GTF2H3: variants seen among roughly 807,000 people sequenced by gnomAD.
GTF2H3 encodes the protein general transcription factor IIH subunit 3.
GTF2H3 carries 42 observed loss-of-function variants against 51.1 expected under a neutral mutation model. The ratio of observed to expected loss-of-function variants is 0.82; its 90% CI spans 0.64 to 1.06. The LOEUF (loss-of-function observed/expected upper bound fraction) is 1.06, where lower values mean the gene tolerates loss of function less well. Among genes scored for constraint, GTF2H3 ranks in the 50% least tolerant of loss-of-function variants. The pLI, the probability that GTF2H3 is intolerant of heterozygous loss-of-function variation, is 0.00. For synonymous variants in GTF2H3, 123 were observed against 123.8 expected (o/e 0.99, Z 0.04); for missense variants, 326 against 366.1 (o/e 0.89, Z 0.89).
chr12:123,639,060 G>A (rs1406957530), intron 1 of GTF2H3, among the ~76,000 whole-genome samples: 1 of 152,178 alleles, frequency 6.6e-6, no homozygotes, highest in East Asian at 1.9e-4. Flanking sequence ...CTCCCAAAGT[G>A]CTGGGGTTAC....
chr12:123,649,869 G>C (rs909644517), intron 4 of GTF2H3: 1 of 152,198 alleles, frequency 6.6e-6, no homozygotes, highest in Non-Finnish European at 1.5e-5. Context: ...ATACCCAAAA[G>C]TACTTTTAGA....
intron 1 of GTF2H3, among the ~76,000 whole-genome samples, chr12:123,635,652 A>G (rs995814972): frequency 3.3e-5 from 5 of 151,698 alleles, no homozygotes; most frequent in African/African-American, 7.3e-5. Context: ...GGCTGAAGCA[A>G]TCTTCCTGCC....
intron 9 of GTF2H3, among the ~76,000 whole-genome samples, chr12:123,656,942 G>A (rs913771453): frequency 6.6e-6 from 1 of 152,012 alleles, no homozygotes; most frequent in Non-Finnish European, 1.5e-5. Flanking sequence ...AAAAAAATTA[G>A]CCTATCATGG....
intron 4 of GTF2H3, chr12:123,649,683 G>A (rs1381814104): frequency 6.6e-6 from 1 of 152,214 alleles, no homozygotes; most frequent in Non-Finnish European, 1.5e-5. Flanking sequence ...TCACCTGGGG[G>A]AAAAGACAAT....
intron 4 of GTF2H3, among the ~76,000 whole-genome samples, chr12:123,648,752 A>C (rs1385261693): frequency 6.6e-6 from 1 of 152,168 alleles, no homozygotes; most frequent in Non-Finnish European, 1.5e-5. Flanking sequence ...TCAGCTACAA[A>C]ATCCTAGTCG....
chr12:123,660,328 T>C lies in GTF2H3; in HGVS notation c.*93T>C. The C allele has an allele frequency of 2.3e-6, 2 of 868,552 alleles. No homozygotes were observed. The highest frequency in any genetic ancestry group is 1.8e-6 in the Non-Finnish European group (1 of 559,576). 53.8% of individuals were successfully genotyped at this position (868,552 alleles called of 1,614,324 possible). ...AGACTGAAAAAAATAAAGATAGGTA[T>C]AGGATAATTTTTAATATGGTGACCT... On this transcript the variant is annotated 3_prime_UTR_variant, in exon 13 of 13. Transcript: ENST00000543341.
chr12:123,652,865 G>A lies in GTF2H3; in HGVS notation c.486+130G>A, dbSNP rs949744485. Reference sequence around the variant, plus strand: ...GGCCGAGGTGGGCAGATCACTTGAGGTCAGGAGTTCGGGACCAGCCTGGCC... The same window carrying A: ...GGCCGAGGTGGGCAGATCACTTGAGATCAGGAGTTCGGGACCAGCCTGGCC... On this transcript the variant is annotated intron_variant, in intron 7 of 12. Transcript: ENST00000543341. 6.2e-6 allele frequency: 5 copies of A among 806,534 alleles called. No individual in the cohort carries two copies. The African/African-American group carries it at 7.2e-5, about 12-fold the overall frequency. The allele number at this position is 806,534 out of a possible 1,614,324, so 50.0% of individuals were successfully genotyped here.
intron 1 of GTF2H3, among the ~76,000 whole-genome samples, 159 bp from the exon 2 acceptor site, chr12:123,639,105 G>A (rs1164958695): frequency 6.6e-6 from 1 of 152,162 alleles, no homozygotes; most frequent in Non-Finnish European, 1.5e-5. Context: ...CAGCTTTAAA[G>A]CTTTAACTGG....
In GTF2H3 at chr12:123,654,984, G is replaced by A; in HGVS notation, c.547G>A (p.Ala183Thr). 1 of 1,611,998 alleles carries A rather than the reference G, an allele frequency of 6.2e-7. No homozygotes were observed. The highest frequency in any genetic ancestry group is 8.5e-7 in the Non-Finnish European group (1 of 1,178,048). Reference protein sequence around the residue: ...QYMNFMNVIFAAQKQNILIDA... With the variant: ...QYMNFMNVIFTAQKQNILIDA... Reference sequence around the variant, plus strand: ...TATGAACTTCATGAATGTCATCTTTGCAGCACAGAAACAGGTGAACTGAGA... The same window carrying A: ...TATGAACTTCATGAATGTCATCTTTACAGCACAGAAACAGGTGAACTGAGA... The change falls in exon 8 of 13, where the codon GCA becomes ACA. Residue 183 changes from alanine (A) to threonine (T), a missense_variant. By Grantham distance (58) the Ala-to-Thr change is moderately conservative (BLOSUM62 0). Transcript: ENST00000543341.
intron 1 of GTF2H3, among the ~76,000 whole-genome samples, chr12:123,634,752 CAG>C (rs1351792889): frequency 6.6e-6 from 1 of 152,212 alleles, no homozygotes; most frequent in Non-Finnish European, 1.5e-5. Context: ...CTACCACATA[CAG>C]AGTCAGATGT....
At chr12:123,647,085 G>A (rs1955456976) in intron 3 of GTF2H3, among the ~76,000 whole-genome samples, 1 of 151,262 alleles carries the variant, frequency 6.6e-6, no homozygotes, top group African/African-American at 2.4e-5. Context: ...CCCGGGAGGT[G>A]GAGCTTGCAG....
At chr12:123,634,578 T>C (rs1338371213) in intron 1 of GTF2H3, among the ~76,000 whole-genome samples, 1 of 152,172 alleles carries the variant, frequency 6.6e-6, no homozygotes. Context: ...CTAGGAAAAG[T>C]GCAGGATATT....
chr12:123,644,948 A>G (rs1955426123), intron 2 of GTF2H3, among the ~76,000 whole-genome samples: 2 of 152,244 alleles, frequency 1.3e-5, no homozygotes, highest in Non-Finnish European at 2.9e-5. Flanking sequence ...TGATGTAGAA[A>G]TGATCTCATA....
chr12:123,642,878 CTT>C (rs1205962130), intron 2 of GTF2H3, among the ~76,000 whole-genome samples: 2 of 151,598 alleles, frequency 1.3e-5, no homozygotes, highest in South Asian at 4.2e-4. Context: ...AAACCATACT[CTT>C]TTTTCTTTTT....
chr12:123,647,631 G>A (rs1955466386), intron 3 of GTF2H3, among the ~76,000 whole-genome samples: 1 of 152,086 alleles, frequency 6.6e-6, no homozygotes, highest in Non-Finnish European at 1.5e-5. Flanking sequence ...AGGAAGGCAC[G>A]GGCACCCCTC....
rs73416277 is a variant in GTF2H3, at chr12:123,661,275, C to T, written c.*1040C>T. On this transcript the variant is annotated 3_prime_UTR_variant, in exon 13 of 13. Coordinates refer to ENST00000543341, the MANE Select transcript of GTF2H3 (RefSeq NM_001516.5). ...ATGTAATCTTGAAATTATTAAAAGT[C>T]CTTTTAGCTTCTAGCACATATTTGT... 6.6e-6 allele frequency: 1 copy of T among 152,056 alleles called. No individual in the cohort carries two copies. Among genetic ancestry groups the T allele is most frequent in the African/African-American group, 2.4e-5 (1 of 41,376 alleles). The allele number at this position is 152,056 out of a possible 1,614,324, so 9.4% of individuals were successfully genotyped here.
chr12:123,646,899 C>T (rs974256450), intron 3 of GTF2H3, among the ~76,000 whole-genome samples: 58 of 151,176 alleles, frequency 3.8e-4, no homozygotes, highest in African/African-American at 1.4e-3. Flanking sequence ...TGTCTGTAAT[C>T]CCAGCACTTT....
At chr12:123,658,514 T>A (rs1262512630) in intron 9 of GTF2H3, among the ~76,000 whole-genome samples, 1 of 152,180 alleles carries the variant, frequency 6.6e-6, no homozygotes, top group African/African-American at 2.4e-5. Context: ...AAATTTATTG[T>A]AGAGACAGGG....
chr12:123,651,812 T>A (rs1955524455), intron 5 of GTF2H3, among the ~76,000 whole-genome samples: 2 of 140,616 alleles, frequency 1.4e-5, no homozygotes, highest in East Asian at 2.0e-4. Flanking sequence ...AAAGCGAGAC[T>A]ACATCTCAAA....
Sources: gnomAD v4.1 joint callset for allele counts (sites outside exome capture counted in the v4.1 genomes callset) on GRCh38, gnomAD v4.1.1 for gene constraint, MANE v1.5 for transcripts, NCBI Gene and HGNC (gene_info 2026-07-23, HGNC 2026-07-21) for gene names.